INPP5F: variants seen among roughly 807,000 people sequenced by gnomAD.
INPP5F encodes the protein phosphatidylinositide 4-phosphatase SAC2.
In INPP5F, 97 loss-of-function variants were observed where a neutral mutation model predicts 137.2. The ratio of observed to expected loss-of-function variants is 0.71; its 90% CI spans 0.60 to 0.84. The LOEUF (loss-of-function observed/expected upper bound fraction) is 0.84. INPP5F is among the 40% of genes least tolerant of loss of function. INPP5F has a pLI of 0.00. For synonymous variants in INPP5F, 504 were observed against 476.9 expected, an observed-to-expected ratio of 1.06 and a Z score of -0.74; for missense variants, 1,271 against 1,371.9, an observed-to-expected ratio of 0.93 and a Z score of 1.16.
chr10:119,783,462 G>A (rs1076587), intron 3 of INPP5F, among the ~76,000 whole-genome samples: 6,352 of 152,276 alleles, frequency 0.042, 241 homozygotes, highest in South Asian at 0.22. Context: ...GGCACTCCCA[G>A]TTCTTCGGAA....
At chr10:119,732,752 C>T (rs1405376123) in intron 1 of INPP5F, among the ~76,000 whole-genome samples, 1 of 152,144 alleles carries the variant, frequency 6.6e-6, no homozygotes, top group African/African-American at 2.4e-5. Flanking sequence ...CTGCCTGCCT[C>T]AGCCTCCCAA....
intron 2 of INPP5F, among the ~76,000 whole-genome samples, chr10:119,778,110 A>C (rs1432923427): frequency 1.3e-5 from 2 of 151,996 alleles, no homozygotes; most frequent in Non-Finnish European, 2.9e-5. Flanking sequence ...AAGTTCAAGC[A>C]ATTCTCATGC....
chr10:119,727,191 C>T (rs1347825109), intron 1 of INPP5F, among the ~76,000 whole-genome samples: 2 of 152,230 alleles, frequency 1.3e-5, no homozygotes, highest in Non-Finnish European at 2.9e-5. Flanking sequence ...TAATCCTTTC[C>T]TCATATCACT....
intron 1 of INPP5F, among the ~76,000 whole-genome samples, chr10:119,747,075 C>T (rs1848557116): frequency 6.6e-6 from 1 of 152,092 alleles, no homozygotes; most frequent in Non-Finnish European, 1.5e-5. Flanking sequence ...AGGCATGAGC[C>T]ACCATGCCCG....
intron 1 of INPP5F, among the ~76,000 whole-genome samples, chr10:119,733,520 C>T (rs965418430): frequency 6.6e-6 from 1 of 152,140 alleles, no homozygotes; most frequent in Non-Finnish European, 1.5e-5. Context: ...TTCAAGAGTC[C>T]TAGATCCAAT....
chr10:119,800,824 C>T (rs961980218), intron 9 of INPP5F, among the ~76,000 whole-genome samples: 14 of 151,844 alleles, frequency 9.2e-5, no homozygotes, highest in African/African-American at 3.1e-4. Context: ...GTGGGATGCA[C>T]CTGTAGTCCC....
chr10:119,774,278 A>G (rs1849451881), intron 2 of INPP5F, among the ~76,000 whole-genome samples: 1 of 151,306 alleles, frequency 6.6e-6, no homozygotes, highest in Non-Finnish European at 1.5e-5. Flanking sequence ...AAAAAAAAAA[A>G]AAAAACTCCC....
intron 1 of INPP5F, among the ~76,000 whole-genome samples, chr10:119,727,268 C>G (rs1847921704): frequency 6.6e-6 from 1 of 152,218 alleles, no homozygotes; most frequent in South Asian, 2.1e-4. Context: ...CAGAGCTTTT[C>G]AGACTTACTT....
At chr10:119,742,277 C>T (rs1361084960) in intron 1 of INPP5F, among the ~76,000 whole-genome samples, 6 of 151,988 alleles carry the variant, frequency 3.9e-5, no homozygotes, top group African/African-American at 9.7e-5. Flanking sequence ...ACTTTAGTTT[C>T]CCGAGTAGCT....
intron 15 of INPP5F, among the ~76,000 whole-genome samples, chr10:119,817,942 G>A (rs568078290): frequency 2.3e-4 from 35 of 152,332 alleles, no homozygotes; most frequent in African/African-American, 7.0e-4. Flanking sequence ...AGTCCCAGCT[G>A]CGTTTAAATA....
chr10:119,759,039 A>T (rs1434629258), intron 2 of INPP5F, among the ~76,000 whole-genome samples: 2 of 152,206 alleles, frequency 1.3e-5, no homozygotes, highest in East Asian at 3.8e-4. Flanking sequence ...AGTACATTGG[A>T]GAGAAACAAG....
In INPP5F at chr10:119,792,198, T is replaced by G; in HGVS notation, c.654T>G (p.Asp218Glu). ...RFFWNKYMIQDLTEIGTPDVD... is the reference protein window; with the variant it reads ...RFFWNKYMIQELTEIGTPDVD... ...TTTGGAATAAATACATGATACAAGA[T>G]CTTACTGAGATTGGTGTGAGTAGTT... The change falls in exon 6 of 20, where the codon GAT (aspartate) becomes GAG (glutamate). Residue 218 changes from aspartate (D) to glutamate (E), a missense_variant. Physicochemically the swap from Asp to Glu is conservative, Grantham distance 45. Transcript: ENST00000650623. The G allele has an allele frequency of 6.2e-7, 1 of 1,612,976 alleles. No individual in the cohort carries two copies.
At position 119,821,864 on chromosome 10, in the gene INPP5F, C is replaced by CTTTT. The variant is rs11347174; in HGVS notation, c.1959-549_1959-546dup. On this transcript the variant is annotated intron_variant, in intron 16 of 19. Coordinates refer to ENST00000650623, the MANE Select transcript of INPP5F (RefSeq NM_014937.4). ...TTAAAATATTTTAACCTTGTAGTTG[C>CTTTT]TTTTTTTTTTTTTTTTTTTTTGAGA... Among the ~76,000 whole-genome samples, 15 of 88,140 alleles carry CTTTT rather than the reference C, an allele frequency of 1.7e-4. 1 individual carries two copies. The highest frequency in any genetic ancestry group is 3.4e-4 in the East Asian group (1 of 2,928). 57.8% of individuals were successfully genotyped at this position (88,140 alleles called of 152,430 possible).
intron 6 of INPP5F, among the ~76,000 whole-genome samples, chr10:119,796,093 G>A (rs1177946790): frequency 2.0e-5 from 3 of 150,376 alleles, no homozygotes; most frequent in Non-Finnish European, 3.0e-5. Context: ...GGAGGGGGAG[G>A]GGGAGAGGGA....
In INPP5F at chr10:119,748,077, G is replaced by A. The variant is rs893622068; in HGVS notation, c.98-2999G>A. 2.2e-4 allele frequency among the ~76,000 whole-genome samples: 33 copies of A among 152,280 alleles called. No homozygotes were observed. The highest frequency in any genetic ancestry group is 2.0e-3 in the Admixed American group (31 of 15,304). On this transcript the variant is annotated intron_variant, in intron 1 of 19. Transcript: ENST00000650623. This position sits in a 1 kb window ranked among gnomAD's most constrained non-coding sequence, Gnocchi z 4.7. Reference sequence around the variant, plus strand: ...CTTGCACTACCAGCCCGGATCCCATGCCTGCCAATGGCAAGCCAGGTGCGG... The same window carrying A: ...CTTGCACTACCAGCCCGGATCCCATACCTGCCAATGGCAAGCCAGGTGCGG...
chr10:119,794,371 G>T (rs1188878321), intron 6 of INPP5F, among the ~76,000 whole-genome samples: 1 of 152,204 alleles, frequency 6.6e-6, no homozygotes, highest in Non-Finnish European at 1.5e-5. Context: ...CAAGGCAGAA[G>T]AATTTTTCTT....
chr10:119,828,065 C>CT lies in INPP5F; in HGVS notation c.*292dup, dbSNP rs924163762. ...GGTCACTTTGGGATATAACCTGAAC[C>CT]TTTTTTTGGAGTGGGGTGGGTAGAC... On this transcript the variant is annotated 3_prime_UTR_variant, in exon 20 of 20. Coordinates refer to ENST00000650623, the MANE Select transcript of INPP5F (RefSeq NM_014937.4). The CT allele has an allele frequency of 2.3e-5, 6 of 266,274 alleles. No homozygotes were observed. Among genetic ancestry groups the CT allele is most frequent in the South Asian group, 5.4e-5 (1 of 18,606 alleles). 16.5% of individuals were successfully genotyped at this position (266,274 alleles called of 1,614,324 possible).
At chr10:119,805,864 T>G (rs1485324905) in intron 11 of INPP5F, among the ~76,000 whole-genome samples, 1 of 152,190 alleles carries the variant, frequency 6.6e-6, no homozygotes, top group East Asian at 1.9e-4. Context: ...ACAGGAGGTT[T>G]AAATTGGCTT....
intron 2 of INPP5F, among the ~76,000 whole-genome samples, chr10:119,781,087 T>C (rs1467301985): frequency 1.3e-5 from 2 of 152,376 alleles, no homozygotes; most frequent in East Asian, 3.9e-4. Context: ...TGCATGGATG[T>C]GCCATAGTTT....
Sources: gnomAD v4.1 joint callset for allele counts (sites outside exome capture counted in the v4.1 genomes callset) on GRCh38, gnomAD v4.1.1 for gene constraint, Gnocchi (gnomAD v3.1) non-coding constraint, MANE v1.5 for transcripts, NCBI Gene and HGNC (gene_info 2026-07-23, HGNC 2026-07-21) for gene names.